GLI3: variants seen among roughly 807,000 people sequenced by gnomAD.
GLI3 encodes the protein transcription activator GLI3.
A neutral mutation model predicts 100.8 loss-of-function variants in GLI3; 20 were observed. The ratio of observed to expected loss-of-function variants is 0.20; its 90% CI spans 0.14 to 0.29. GLI3 has a LOEUF of 0.29. GLI3 is among the 10% of genes least tolerant of loss of function. The pLI, the probability that GLI3 is intolerant of heterozygous loss-of-function variation, is 1.00. For synonymous variants in GLI3, 938 were observed against 860.5 expected (o/e 1.09, Z -1.58); for missense variants, 2,040 against 2,128.5 (o/e 0.96, Z 0.82).
intron 2 of GLI3, among the ~76,000 whole-genome samples, chr7:42,220,311 G>A (rs551972462): frequency 6.6e-6 from 1 of 152,248 alleles, no homozygotes; most frequent in Non-Finnish European, 1.5e-5. Flanking sequence ...GTCAGTGCAG[G>A]GGTCCAAGCA....
chr7:42,162,205 T>G (rs1437835159), intron 2 of GLI3, among the ~76,000 whole-genome samples: 1 of 152,176 alleles, frequency 6.6e-6, no homozygotes, highest in Non-Finnish European at 1.5e-5. Context: ...TGTGGGGGGA[T>G]AGACCAGGCT....
In GLI3 at chr7:41,962,477, A is replaced by G. The variant is rs1455453805; in HGVS notation, c.*1853T>C. On this transcript the variant is annotated 3_prime_UTR_variant, in exon 15 of 15. Coordinates refer to ENST00000395925, the MANE Select transcript of GLI3 (RefSeq NM_000168.6). ...TTCTCTTTTGTTATGGGGCTGTTCC[A>G]AAGGAGACACATCCGTTAATTTCAA... is the stretch of plus-strand genomic sequence containing the variant. The G allele has an allele frequency of 6.6e-6, 1 of 152,230 alleles. No homozygotes were observed. Among genetic ancestry groups the G allele is most frequent in the Non-Finnish European group, 1.5e-5 (1 of 68,042 alleles). The allele number at this position is 152,230 out of a possible 1,614,324, so 9.4% of individuals were successfully genotyped here.
chr7:42,080,942 C>T (rs1396852384), intron 3 of GLI3, among the ~76,000 whole-genome samples: 9 of 152,164 alleles, frequency 5.9e-5, no homozygotes, highest in East Asian at 3.9e-4. Context: ...GCAGCTGTGA[C>T]GCATCATAAC....
At position 41,961,145 on chromosome 7, in the gene GLI3, T is replaced by A. The variant is rs1246934582; in HGVS notation, c.*3185A>T. 6.6e-6 allele frequency: 1 copy of A among 152,612 alleles called. No homozygotes were observed. The highest frequency in any genetic ancestry group is 2.4e-5 in the African/African-American group (1 of 41,418). The allele number at this position is 152,612 out of a possible 1,614,324, so 9.5% of individuals were successfully genotyped here. ...CTGGGCCAGTCACATCTGAACGCTA[T>A]GCCTACAATACTTAAATGTATTTAC... On this transcript the variant is annotated 3_prime_UTR_variant, in exon 15 of 15. Coordinates refer to ENST00000395925, the MANE Select transcript of GLI3 (RefSeq NM_000168.6).
At chr7:42,249,002 A>G (rs1458091510) in intron 1 of GLI3, among the ~76,000 whole-genome samples, 3 of 152,108 alleles carry the variant, frequency 2.0e-5, no homozygotes, top group African/African-American at 4.8e-5. Context: ...TCAGCCTCCC[A>G]AAGTGGCTGG....
chr7:42,011,820 T>C (rs566147796), intron 10 of GLI3, among the ~76,000 whole-genome samples: 5 of 152,270 alleles, frequency 3.3e-5, no homozygotes, highest in East Asian at 1.9e-4. Context: ...GTGATCAAAA[T>C]GTCCTGGAAG....
chr7:42,028,959 AG>A (rs1191957657), intron 7 of GLI3, among the ~76,000 whole-genome samples: 1 of 152,158 alleles, frequency 6.6e-6, no homozygotes, highest in Non-Finnish European at 1.5e-5. Flanking sequence ...ATCCCCATTC[AG>A]GGCCTCCACC....
intron 1 of GLI3, among the ~76,000 whole-genome samples, chr7:42,257,113 A>G (rs1440149454): frequency 6.6e-6 from 1 of 152,122 alleles, no homozygotes; most frequent in Admixed American, 6.6e-5. Context: ...ATTTTGATAT[A>G]TTGATCTTGT....
intron 9 of GLI3, 29 bp downstream of exon 9, chr7:42,025,235 C>T (rs762375119): frequency 6.0e-5 from 86 of 1,442,780 alleles, no homozygotes; most frequent in African/African-American, 8.4e-5. Flanking sequence ...GAGGAGTGGG[C>T]GCTGGCCTGT....
At chr7:42,041,874 A>C (rs534408832) in intron 6 of GLI3, among the ~76,000 whole-genome samples, 23 of 152,346 alleles carry the variant, frequency 1.5e-4, no homozygotes, top group Non-Finnish European at 7.3e-5. Flanking sequence ...AAACTTAAAA[A>C]CCAACTTGAA....
At chr7:42,208,557 G>T (rs1315955670) in intron 2 of GLI3, among the ~76,000 whole-genome samples, 2 of 152,140 alleles carry the variant, frequency 1.3e-5, no homozygotes. Flanking sequence ...TTACTTGAGA[G>T]GTTCAGTGTT....
intron 2 of GLI3, among the ~76,000 whole-genome samples, chr7:42,191,998 C>A (rs1408941949): frequency 2.0e-5 from 3 of 151,554 alleles, no homozygotes; most frequent in East Asian, 1.9e-4. Context: ...GACATGCGAC[C>A]CATGCAAAAA....
chr7:42,126,915 C>T (rs1355018719), intron 3 of GLI3, among the ~76,000 whole-genome samples: 1 of 152,154 alleles, frequency 6.6e-6, no homozygotes, highest in Non-Finnish European at 1.5e-5. Context: ...GGGCTGTCTC[C>T]AGCCCAAAAG....
intron 1 of GLI3, among the ~76,000 whole-genome samples, chr7:42,234,423 G>C (rs933862360): frequency 6.6e-6 from 1 of 152,140 alleles, no homozygotes; most frequent in South Asian, 2.1e-4. Context: ...AGAAACAAAG[G>C]AAAGTCCAAC....
Position 42,148,486 on chromosome 7 carries a change from A to T in GLI3, c.125-18T>A. ...TTCATCCTCTAAAGAAAGAAGAAAA[A>T]TGAAAGACTCTGTAAACTACTTTAA... On this transcript the variant is annotated intron_variant, in intron 2 of 14. Transcript: ENST00000395925. 1 of 1,610,768 alleles carries T rather than the reference A, an allele frequency of 6.2e-7. No homozygotes were observed. The highest frequency in any genetic ancestry group is 8.5e-7 in the Non-Finnish European group (1 of 1,177,094).
intron 2 of GLI3, among the ~76,000 whole-genome samples, chr7:42,206,676 G>A (rs1046044813): frequency 6.6e-6 from 1 of 152,130 alleles, no homozygotes; most frequent in Non-Finnish European, 1.5e-5. Context: ...AAGAGATAAT[G>A]TGCATTATCA....
intron 2 of GLI3, among the ~76,000 whole-genome samples, chr7:42,200,952 G>A (rs973977676): frequency 6.6e-6 from 1 of 152,102 alleles, no homozygotes; most frequent in Non-Finnish European, 1.5e-5. Flanking sequence ...ATAAAATTAT[G>A]TGCAATTTAG....
intron 10 of GLI3, among the ~76,000 whole-genome samples, chr7:41,980,733 G>A (rs1207481428): frequency 6.6e-6 from 1 of 152,182 alleles, no homozygotes; most frequent in Non-Finnish European, 1.5e-5. Context: ...AATTTGTGCT[G>A]AGCCAACTGC....
At chr7:42,252,964 T>C (rs942314093) in intron 1 of GLI3, among the ~76,000 whole-genome samples, 1 of 152,226 alleles carries the variant, frequency 6.6e-6, no homozygotes, top group Non-Finnish European at 1.5e-5. Flanking sequence ...TTGAAATTAT[T>C]AAAATGTCTA....
Sources: gnomAD v4.1 joint callset for allele counts (sites outside exome capture counted in the v4.1 genomes callset) on GRCh38, gnomAD v4.1.1 for gene constraint, MANE v1.5 for transcripts, NCBI Gene and HGNC (gene_info 2026-07-23, HGNC 2026-07-21) for gene names.